Variants in RBFOX1 observed in about 807,000 individuals in gnomAD.
RBFOX1 encodes RNA binding fox-1 homolog 1, also known as RNA binding protein fox-1 homolog 1.
A neutral mutation model predicts 57.7 loss-of-function variants in RBFOX1; 8 were observed. The observed-to-expected ratio is 0.14, with a 90% confidence interval of 0.08 to 0.25. RBFOX1 has a LOEUF of 0.25. Among genes scored for constraint, RBFOX1 ranks in the 10% least tolerant of loss-of-function variants. The probability of loss-of-function intolerance (pLI) is 1.00; values close to 1 mark genes in which losing one functional copy is unlikely to be tolerated. For missense variants in RBFOX1, 611 were observed against 548.5 expected (o/e 1.11, Z -1.14); for synonymous variants, 326 against 222.4 (o/e 1.47, Z -4.15).
chr16:5,310,007 T>G (rs529192303), intron 1 of RBFOX1, among the ~76,000 whole-genome samples: 2 of 152,196 alleles, frequency 1.3e-5, no homozygotes, highest in Admixed American at 6.5e-5. Flanking sequence ...CCTGAAAACC[T>G]TTTTTGGCTT....
intron 2 of RBFOX1, among the ~76,000 whole-genome samples, chr16:6,645,952 C>G (rs1231232849): frequency 6.6e-6 from 1 of 152,126 alleles, no homozygotes; most frequent in Non-Finnish European, 1.5e-5. Context: ...CAGTGTGATT[C>G]TGCTATCTGT....
chr16:7,470,649 C>T (rs77559616), intron 4 of RBFOX1, among the ~76,000 whole-genome samples: 3,156 of 151,868 alleles, frequency 0.021, 52 homozygotes, highest in Middle Eastern at 0.048. Context: ...AGTGGATAGA[C>T]GGATGAGTGT....
chr16:7,273,505 C>A (rs900451055), intron 4 of RBFOX1, among the ~76,000 whole-genome samples: 1 of 152,012 alleles, frequency 6.6e-6, no homozygotes, highest in African/African-American at 2.4e-5. Context: ...AGTGGAAATC[C>A]CAGCTTTAGC....
intron 3 of RBFOX1, among the ~76,000 whole-genome samples, chr16:5,681,306 G>A (rs940557431): frequency 6.7e-6 from 1 of 148,760 alleles, no homozygotes; most frequent in Non-Finnish European, 1.5e-5. Context: ...GGATGGTCTC[G>A]ATCTCCTGAC....
intron 4 of RBFOX1, among the ~76,000 whole-genome samples, chr16:7,424,182 C>G (rs1261481312): frequency 6.6e-6 from 1 of 151,728 alleles, no homozygotes; most frequent in East Asian, 1.9e-4. Flanking sequence ...AGATTTTTGT[C>G]ATTTTTTTTA....
chr16:7,446,579 A>T (rs542695595), intron 4 of RBFOX1, among the ~76,000 whole-genome samples: 3 of 152,246 alleles, frequency 2.0e-5, no homozygotes, highest in East Asian at 3.9e-4. Context: ...CAGATTTAGG[A>T]TGACTAGTGT....
intron 14 of RBFOX1, among the ~76,000 whole-genome samples, chr16:7,705,067 CAGAG>C (rs2082001593): frequency 1.4e-5 from 2 of 144,164 alleles, no homozygotes; most frequent in East Asian, 2.1e-4. Flanking sequence ...AAAAAAAAGG[CAGAG>C]AGCCAGAGAA....
chr16:6,068,840 G>A lies in RBFOX1; in HGVS notation c.-127+48848G>A, dbSNP rs1029453201. ...TTTCCCAGGCCTTCTCCCTGTACCC[G>A]GTTACAGGAATAAACTCCCTTGTCT... On this transcript the variant is annotated intron_variant, in intron 1 of 15. Coordinates refer to ENST00000550418, the MANE Select transcript of RBFOX1 (RefSeq NM_018723.4). Among the ~76,000 whole-genome samples, 9 of 152,074 alleles carry A rather than the reference G, an allele frequency of 5.9e-5. No homozygotes were observed. The South Asian group carries it at 1.7e-3, about 28-fold the overall frequency.
At chr16:5,323,440 C>A (rs1422639435) in intron 1 of RBFOX1, among the ~76,000 whole-genome samples, 1 of 152,230 alleles carries the variant, frequency 6.6e-6, no homozygotes, top group Non-Finnish European at 1.5e-5. Context: ...TGGCCTCCAG[C>A]CTTGCTCATG....
chr16:5,609,233 G>A (rs1021061944), intron 3 of RBFOX1, among the ~76,000 whole-genome samples: 1 of 152,172 alleles, frequency 6.6e-6, no homozygotes, highest in Admixed American at 6.5e-5. Context: ...TTTAAGTTAT[G>A]TATTCATTAC....
rs536608407 is a variant in RBFOX1 at position 6,874,647 on chromosome 16, A to G, written c.-15-177410A>G. On this transcript the variant is annotated intron_variant, in intron 3 of 15. Transcript: ENST00000550418. ...TCTCATGGCTTATCTCCCACTTACA[A>G]TGGTTTTCCATTCCCGAGTTCCTTA... is the stretch of plus-strand genomic sequence containing the variant. 3.9e-4 allele frequency among the ~76,000 whole-genome samples: 60 copies of G among 152,202 alleles called. 1 individual carries two copies. Among genetic ancestry groups the G allele is most frequent in the African/African-American group, 1.3e-3 (55 of 41,544 alleles).
At chr16:6,855,602 T>C (rs904961562) in intron 3 of RBFOX1, among the ~76,000 whole-genome samples, 3 of 146,172 alleles carry the variant, frequency 2.1e-5, no homozygotes, top group Admixed American at 6.9e-5. Context: ...GCAGTGAGCC[T>C]GGATCGCACC....
chr16:6,444,558 G>A (rs1295704745), intron 2 of RBFOX1, among the ~76,000 whole-genome samples: 5 of 152,252 alleles, frequency 3.3e-5, no homozygotes, highest in South Asian at 2.1e-4. Context: ...CATGTAAGAC[G>A]TGACTTATTC....
rs142024909 is a variant in RBFOX1 at position 7,097,637 on chromosome 16, T to A, written c.27+45539T>A. ...CACTCATAATATGCAAGTCTACATA[T>A]GTACTAAACCCAGGGCCTCTCTGCA... On this transcript the variant is annotated intron_variant, in intron 4 of 15. Transcript: ENST00000550418. Among the ~76,000 whole-genome samples the A allele has an allele frequency of 3.4e-3, 523 of 152,312 alleles. 3 individuals are homozygous for A. Among genetic ancestry groups the A allele is most frequent in the South Asian group, 0.014 (69 of 4,828 alleles).
chr16:6,584,919 C>T (rs1050929522), intron 2 of RBFOX1, among the ~76,000 whole-genome samples: 2 of 152,162 alleles, frequency 1.3e-5, no homozygotes, highest in African/African-American at 4.8e-5. Context: ...GATTGGGGAC[C>T]TGCGTTGAAA....
chr16:6,762,923 A>C (rs1274079759), intron 3 of RBFOX1, among the ~76,000 whole-genome samples: 1 of 152,172 alleles, frequency 6.6e-6, no homozygotes, highest in Non-Finnish European at 1.5e-5. Flanking sequence ...GTAGCATCTG[A>C]GCTGAAACCT....
chr16:7,448,540 C>T (rs897088613), intron 4 of RBFOX1, among the ~76,000 whole-genome samples: 1 of 152,110 alleles, frequency 6.6e-6, no homozygotes, highest in African/African-American at 2.4e-5. Context: ...TGGGGAAGAC[C>T]CACCTCTATG....
chr16:7,502,494 G>C (rs1360753865), intron 4 of RBFOX1, among the ~76,000 whole-genome samples: 2 of 152,176 alleles, frequency 1.3e-5, no homozygotes, highest in Non-Finnish European at 2.9e-5. Context: ...GGGTTGTTTA[G>C]ACTATGTTTA....
At chr16:6,686,116 C>T (rs1339151256) in intron 3 of RBFOX1, among the ~76,000 whole-genome samples, 1 of 152,168 alleles carries the variant, frequency 6.6e-6, no homozygotes, top group Non-Finnish European at 1.5e-5. Flanking sequence ...GCAGCAGCAG[C>T]AGTGGGGACT....
Sources: allele counts gnomAD v4.1 joint callset (sites outside exome capture counted in the v4.1 genomes callset), GRCh38; gene constraint gnomAD v4.1.1; transcripts MANE v1.5; gene names NCBI Gene and HGNC (gene_info 2026-07-23, HGNC 2026-07-21).